The following CA10 variants were observed in gnomAD, a reference collection of about 807,000 sequenced individuals.
CA10 encodes carbonic anhydrase 10 (inactive), also known as carbonic anhydrase-related protein 10.
Under a neutral mutation model 44.2 loss-of-function variants are expected in CA10, and 14 were observed. The observed-to-expected ratio is 0.32, with a 90% CI of 0.21 to 0.50. CA10 has a LOEUF of 0.50. Among genes scored for constraint, CA10 ranks in the 20% least tolerant of loss-of-function variants. The pLI, the probability that CA10 is intolerant of heterozygous loss-of-function variation, is 0.99. For missense variants in CA10, 350 were observed against 409.7 expected (o/e 0.85, Z 1.26); for synonymous variants, 159 against 141.6 (o/e 1.12, Z -0.87).
intron 4 of CA10, among the ~76,000 whole-genome samples, chr17:51,671,495 C>G (rs1476742329): frequency 1.3e-5 from 2 of 152,164 alleles, no homozygotes; most frequent in African/African-American, 4.8e-5. Flanking sequence ...AGCTCCACCT[C>G]CCGGGTTCAC....
chr17:51,671,702 C>A (rs1033206189), intron 4 of CA10, among the ~76,000 whole-genome samples: 3 of 152,194 alleles, frequency 2.0e-5, no homozygotes, highest in African/African-American at 7.2e-5. Context: ...CCACGCCCGG[C>A]CACATTTGGG....
intron 4 of CA10, among the ~76,000 whole-genome samples, chr17:51,695,425 G>T (rs1261394391): frequency 6.6e-6 from 1 of 152,006 alleles, no homozygotes; most frequent in Non-Finnish European, 1.5e-5. Flanking sequence ...GGGTGTTTGT[G>T]TGTGGCTATT....
At chr17:51,919,011 G>T (rs931317734) in intron 3 of CA10, among the ~76,000 whole-genome samples, 4 of 152,104 alleles carry the variant, frequency 2.6e-5, no homozygotes, top group African/African-American at 9.7e-5. Context: ...ACGCTGCATA[G>T]ACTCCTCAAA....
At chr17:51,824,706 T>C (rs1907943053) in intron 3 of CA10, among the ~76,000 whole-genome samples, 1 of 152,250 alleles carries the variant, frequency 6.6e-6, no homozygotes, top group Non-Finnish European at 1.5e-5. Flanking sequence ...GAATCTTTTA[T>C]TCTTTGGGCA....
chr17:51,653,219 G>C (rs1227842062), intron 5 of CA10, among the ~76,000 whole-genome samples: 2 of 152,148 alleles, frequency 1.3e-5, no homozygotes, highest in African/African-American at 4.8e-5. Context: ...TGCAGTGCCT[G>C]GAGGGGAGAG....
intron 4 of CA10, among the ~76,000 whole-genome samples, chr17:51,734,122 A>G (rs1483427896): frequency 7.1e-6 from 1 of 140,452 alleles, no homozygotes; most frequent in African/African-American, 2.6e-5. Context: ...ATTTCCCAAG[A>G]TTTTACCTTA....
At chr17:52,088,388 TTC>T (rs147376758) in intron 1 of CA10, among the ~76,000 whole-genome samples, 4,876 of 152,274 alleles carry the variant, frequency 0.032, 200 homozygotes, top group Middle Eastern at 0.095. Context: ...AACAATGAGA[TTC>T]TGTCTTGTTG....
intron 3 of CA10, among the ~76,000 whole-genome samples, chr17:51,876,125 GTT>G (rs976140210): frequency 3.5e-5 from 5 of 144,218 alleles, no homozygotes; most frequent in Non-Finnish European, 4.6e-5. Context: ...TCATGTGTAG[GTT>G]TTATGTGAAG....
At chr17:51,926,660 G>T (rs1025960199) in intron 3 of CA10, among the ~76,000 whole-genome samples, 1 of 152,254 alleles carries the variant, frequency 6.6e-6, no homozygotes, top group African/African-American at 2.4e-5. Context: ...GTGTCACTCC[G>T]ACCTCTGCTT....
chr17:52,099,141 C>T (rs2938140), intron 1 of CA10, among the ~76,000 whole-genome samples: 50,217 of 151,658 alleles, frequency 0.33, 10,221 homozygotes, highest in Non-Finnish European at 0.46. Flanking sequence ...CAGGAAGACG[C>T]CATGTATAGA....
intron 4 of CA10, among the ~76,000 whole-genome samples, chr17:51,734,177 T>G (rs2143569168): frequency 1.2e-5 from 1 of 84,460 alleles, no homozygotes; most frequent in African/African-American, 8.2e-5. Flanking sequence ...CAATCTTTGG[T>G]TGGGGGGGGG....
At chr17:52,115,943 T>C (rs1480732912) in intron 1 of CA10, among the ~76,000 whole-genome samples, 1 of 152,062 alleles carries the variant, frequency 6.6e-6, no homozygotes, top group Non-Finnish European at 1.5e-5. Context: ...AATACAAAAA[T>C]TATCTGGGTG....
At chr17:52,043,222 A>G (rs941598750) in intron 2 of CA10, among the ~76,000 whole-genome samples, 1 of 152,064 alleles carries the variant, frequency 6.6e-6, no homozygotes, top group Non-Finnish European at 1.5e-5. Context: ...AACACAGAAT[A>G]TCATTCTATT....
At chr17:51,924,936 G>C (rs1246759704) in intron 3 of CA10, among the ~76,000 whole-genome samples, 1 of 152,150 alleles carries the variant, frequency 6.6e-6, no homozygotes, top group African/African-American at 2.4e-5. Context: ...GCCTTTGCTG[G>C]GCAAAATTTC....
At chr17:51,921,003 A>G (rs1415976568) in intron 3 of CA10, among the ~76,000 whole-genome samples, 1 of 152,160 alleles carries the variant, frequency 6.6e-6, no homozygotes, top group Non-Finnish European at 1.5e-5. Context: ...TGTATCCAAA[A>G]CTTTGAGGAA....
chr17:51,734,528 G>T (rs140620761), intron 4 of CA10, among the ~76,000 whole-genome samples: 1 of 152,310 alleles, frequency 6.6e-6, no homozygotes, highest in African/African-American at 2.4e-5. Flanking sequence ...GACTGTTCGG[G>T]CAAGGCAGGG....
intron 3 of CA10, among the ~76,000 whole-genome samples, chr17:51,851,167 G>GT (rs1337301826): frequency 6.6e-6 from 1 of 152,184 alleles, no homozygotes; most frequent in East Asian, 1.9e-4. Flanking sequence ...GACTTTGGAG[G>GT]TATCACCTAA....
At chr17:52,107,619 T>TG (rs572682137) in intron 1 of CA10, among the ~76,000 whole-genome samples, 9 of 152,070 alleles carry the variant, frequency 5.9e-5, no homozygotes, top group Admixed American at 4.6e-4. Flanking sequence ...TCTTATAATT[T>TG]GGGGGGGAAA....
intron 2 of CA10, among the ~76,000 whole-genome samples, chr17:52,017,814 A>G (rs148155189): frequency 6.6e-6 from 1 of 152,186 alleles, no homozygotes; most frequent in African/African-American, 2.4e-5. Flanking sequence ...AGACAACGGG[A>G]TAAAGACCTC....
Sources: allele counts gnomAD v4.1 joint callset (sites outside exome capture counted in the v4.1 genomes callset), GRCh38; gene constraint gnomAD v4.1.1; transcripts MANE v1.5; gene names NCBI Gene and HGNC (gene_info 2026-07-23, HGNC 2026-07-21).